Variants in PCDHGB1 observed in about 807,000 individuals in gnomAD.
The protein encoded by PCDHGB1 is protocadherin gamma subfamily B, 1.
PCDHGB1 carries 34 observed loss-of-function variants against 56.6 expected under a neutral mutation model. The ratio of observed to expected loss-of-function variants is 0.60; its 90% CI spans 0.46 to 0.80. The LOEUF (loss-of-function observed/expected upper bound fraction) is 0.80. PCDHGB1 is among the 30% of genes least tolerant of loss of function. The pLI is 0.00. For synonymous variants in PCDHGB1, 561 were observed against 505.9 expected, an observed-to-expected ratio of 1.11 and a Z score of -1.46; for missense variants, 1,278 against 1,204.6, an observed-to-expected ratio of 1.06 and a Z score of -0.90.
At chr5:141,417,030 T>G (rs1460954160) in intron 1 of PCDHGB1, 1 of 86,454 alleles carries the variant, frequency 1.2e-5, no homozygotes, top group East Asian at 2.9e-4. Flanking sequence ...AAATACAGGT[T>G]TTTTTTTTAA....
At position 141,478,147 on chromosome 5, in the gene PCDHGB1, C is replaced by T. The variant is rs199689679; in HGVS notation, c.2410-16660C>T. On this transcript the variant is annotated intron_variant, in intron 1 of 3. Transcript: ENST00000523390. The stretch of plus-strand genomic sequence containing the variant: ...ACTCTCCTGAAGCCCGAGCCGAGTT[C>T]CCCTCTGGCTCTGCCCCCCGGGAGC... The T allele has an allele frequency of 2.0e-5, 32 of 1,614,076 alleles. 1 individual carries two copies. In the East Asian group the frequency reaches 5.3e-4, roughly 27 times the overall value.
chr5:141,375,213 G>A (rs778646849), intron 1 of PCDHGB1: 9 of 1,613,810 alleles, frequency 5.6e-6, no homozygotes, highest in Non-Finnish European at 7.6e-6. Context: ...CGAGACTCTG[G>A]CCTGAATGGC....
At chr5:141,376,830 G>A (rs1343049579) in intron 1 of PCDHGB1, 1 of 266,580 alleles carries the variant, frequency 3.8e-6, no homozygotes, top group Non-Finnish European at 7.1e-6. Flanking sequence ...GGGACTACAG[G>A]CGCCCGCCAC....
intron 1 of PCDHGB1, among the ~76,000 whole-genome samples, chr5:141,455,439 C>T (rs966470257): frequency 1.3e-5 from 2 of 152,126 alleles, no homozygotes; most frequent in East Asian, 1.9e-4. Context: ...AGGAGGTCCC[C>T]ATCTACCGCG....
intron 1 of PCDHGB1, chr5:141,390,310 C>T: frequency 1.2e-6 from 2 of 1,612,362 alleles, no homozygotes; most frequent in Non-Finnish European, 1.7e-6. Context: ...TAATTTAATG[C>T]TCATTGCCTA....
chr5:141,438,621 TATATATATATATATACACACAC>T (rs2098027070), intron 1 of PCDHGB1, among the ~76,000 whole-genome samples: 1 of 41,368 alleles, frequency 2.4e-5, no homozygotes, highest in Non-Finnish European at 4.0e-5. Flanking sequence ...TATATATATA[TATATATATATATATACACACAC>T]ACACACACAT....
In PCDHGB1 at chr5:141,357,579, A is replaced by T. The variant is rs980931291; in HGVS notation, c.2409+4910A>T. 5 of 1,614,088 alleles carry T rather than the reference A, an allele frequency of 3.1e-6. No homozygotes were observed. In the African/African-American group the frequency reaches 5.3e-5, roughly 17 times the overall value. ...GTGAGAAAAGCGAGCCTCTTCTGAT[A>T]ACTCAGGATTTACTTGAAACAAAAG... On this transcript the variant is annotated intron_variant, in intron 1 of 3. Transcript: ENST00000523390.
chr5:141,356,111 T>TG (rs755507945), intron 1 of PCDHGB1: 42 of 1,613,700 alleles, frequency 2.6e-5, no homozygotes, highest in African/African-American at 8.0e-5. Context: ...ATAACAATAT[T>TG]GGGGGGTCTA....
At chr5:141,405,173 G>A (rs774181376) in intron 1 of PCDHGB1, 1 of 1,614,122 alleles carries the variant, frequency 6.2e-7, no homozygotes, top group Non-Finnish European at 8.5e-7. Context: ...CTCACACTTT[G>A]TGGGTGTAGA....
At chr5:141,414,406 C>T (rs1315007586) in intron 1 of PCDHGB1, 6 of 1,613,764 alleles carry the variant, frequency 3.7e-6, no homozygotes, top group African/African-American at 2.7e-5. Flanking sequence ...ATTGGTGATA[C>T]ACAGAGCCCT....
At position 141,431,280 on chromosome 5, in the gene PCDHGB1, C is replaced by G; in HGVS notation, c.2410-63527C>G. ...TCTCTGCAGAGCTACGAGCTCAGCC[C>G]GAACACTCACTTCTCCCTCATCGTG... On this transcript the variant is annotated intron_variant, in intron 1 of 3. Transcript: ENST00000523390. This position sits in a 1 kb window ranked among gnomAD's most constrained non-coding sequence, Gnocchi z 4.8. The G allele has an allele frequency of 6.2e-7, 1 of 1,614,146 alleles. No homozygotes were observed. The highest frequency in any genetic ancestry group is 8.5e-7 in the Non-Finnish European group (1 of 1,180,040).
intron 1 of PCDHGB1, chr5:141,376,519 T>C (rs1281722134): frequency 1.2e-6 from 2 of 1,613,930 alleles, no homozygotes; most frequent in Non-Finnish European, 1.7e-6. Context: ...TGAGTTTCTT[T>C]CCGCCTAAGC....
At chr5:141,443,475 G>T (rs994058112) in intron 1 of PCDHGB1, among the ~76,000 whole-genome samples, 1 of 152,148 alleles carries the variant, frequency 6.6e-6, no homozygotes, top group African/African-American at 2.4e-5. Flanking sequence ...GACAGAATTA[G>T]ACCCTGTCCC....
Position 141,486,955 on chromosome 5 carries a change from T to A in PCDHGB1, c.2410-7852T>A, listed in dbSNP as rs1459820579. 1.9e-6 allele frequency: 3 copies of A among 1,614,128 alleles called. No individual in the cohort carries two copies. The highest frequency in any genetic ancestry group is 2.5e-6 in the Non-Finnish European group (3 of 1,180,048). ...CTGGCCACCTAATCACAAAGGTGACTGCTGTGGACTTGGATTCAGGTTACA... is the reference window on the plus strand; with the variant it reads ...CTGGCCACCTAATCACAAAGGTGACAGCTGTGGACTTGGATTCAGGTTACA... On this transcript the variant is annotated intron_variant, in intron 1 of 3. Coordinates refer to ENST00000523390, the MANE Select transcript of PCDHGB1 (RefSeq NM_018922.3). This position sits in a 1 kb window ranked among gnomAD's most constrained non-coding sequence, Gnocchi z 5.0.
At chr5:141,393,289 AC>A in intron 1 of PCDHGB1, 2 of 1,613,936 alleles carry the variant, frequency 1.2e-6, no homozygotes, top group Non-Finnish European at 1.7e-6. Flanking sequence ...GAAGCTGTTG[AC>A]CCGGATGTGG....
At chr5:141,386,290 A>T (rs2090519757) in intron 1 of PCDHGB1, among the ~76,000 whole-genome samples, 1 of 152,214 alleles carries the variant, frequency 6.6e-6, no homozygotes, top group African/African-American at 2.4e-5. Flanking sequence ...TTTGTATAAC[A>T]TTTTAGTAAA....
intron 1 of PCDHGB1, among the ~76,000 whole-genome samples, chr5:141,472,980 C>CAAAAAAAAAAAAAAAAAGAAAAAAA (rs2099309731): frequency 1.2e-5 from 1 of 86,102 alleles, no homozygotes; most frequent in African/African-American, 3.9e-5. Flanking sequence ...GAGTGAAACT[C>CAAAAAAAAAAAAAAAAAGAAAAAAA]AAAAAAAAAA....
chr5:141,389,930 C>T (rs1255366269), intron 1 of PCDHGB1: 1 of 1,614,064 alleles, frequency 6.2e-7, no homozygotes. Context: ...CCTCTGACCT[C>T]CAGGCTGAGC....
chr5:141,500,384 T>C (rs956708207), intron 2 of PCDHGB1, among the ~76,000 whole-genome samples: 1 of 151,894 alleles, frequency 6.6e-6, no homozygotes, highest in African/African-American at 2.4e-5. Context: ...AATTATTTTG[T>C]ATTTTTAGTA....
Sources: gnomAD v4.1 joint callset for allele counts (sites outside exome capture counted in the v4.1 genomes callset) on GRCh38, gnomAD v4.1.1 for gene constraint, Gnocchi (gnomAD v3.1) non-coding constraint, MANE v1.5 for transcripts, NCBI Gene and HGNC (gene_info 2026-07-23, HGNC 2026-07-21) for gene names.